The following ARL17A variants were observed in gnomAD, a reference collection of about 807,000 sequenced individuals.
ARL17A encodes the protein ARF like GTPase 17A, also known as ADP-ribosylation factor-like 17-like.
chr17:46,558,057 TG>T (rs2057378106), intron 3 of ARL17A, among the ~76,000 whole-genome samples: 1 of 138,874 alleles, frequency 7.2e-6, no homozygotes, highest in African/African-American at 2.7e-5. Context: ...TCAGGAGTTT[TG>T]TTTGTTTTTT....
chr17:46,568,183 T>A, intron 3 of ARL17A, among the ~76,000 whole-genome samples: 1 of 132,410 alleles, frequency 7.6e-6, no homozygotes, highest in Non-Finnish European at 1.6e-5. Flanking sequence ...TGGACAGTGG[T>A]GATGGTTGTA....
chr17:46,541,377 G>A (rs1229882039), intron 3 of ARL17A, among the ~76,000 whole-genome samples: 4 of 148,332 alleles, frequency 2.7e-5, no homozygotes, highest in Admixed American at 1.3e-4. Flanking sequence ...TCAGCCTTCC[G>A]AGTAGCTGGG....
chr17:46,501,295 C>A, the ARL17A span, among the ~76,000 whole-genome samples: 1 of 151,082 alleles, frequency 6.6e-6, no homozygotes, highest in Non-Finnish European at 1.5e-5. Flanking sequence ...CCTGCCTCAG[C>A]CTCCTGAGTA....
intron 3 of ARL17A, among the ~76,000 whole-genome samples, chr17:46,521,471 T>C (rs1363740589): frequency 1.8e-5 from 1 of 56,206 alleles, no homozygotes; most frequent in Admixed American, 1.8e-4. Context: ...TTTATTTCCA[T>C]GTGTCAGTTT....
chr17:46,549,292 A>G (rs1567983617), downstream of ARL17A: 1 of 1,610,558 alleles, frequency 6.2e-7, no homozygotes. Flanking sequence ...TTTTATAGAA[A>G]ACAATAATAC....
intron 3 of ARL17A, among the ~76,000 whole-genome samples, chr17:46,545,364 T>G (rs1295545257): frequency 1.4e-5 from 2 of 138,074 alleles, no homozygotes; most frequent in African/African-American, 6.0e-5. Flanking sequence ...ATTTGGAGGA[T>G]CCCTTGAGCC....
the ARL17A span, among the ~76,000 whole-genome samples, chr17:46,501,529 C>G: frequency 4.0e-5 from 6 of 151,232 alleles, no homozygotes; most frequent in East Asian, 1.2e-3. Context: ...AGTCGTCTGC[C>G]GGCTGTTATA....
At chr17:46,550,842 A>G (rs1037748471), downstream of ARL17A, among the ~76,000 whole-genome samples, 2 of 132,782 alleles carry the variant, frequency 1.5e-5, no homozygotes, top group African/African-American at 6.2e-5. Context: ...TCTGCCACTA[A>G]TTTATTTCCT....
At chr17:46,543,745 A>G (rs1475740620) in intron 3 of ARL17A, among the ~76,000 whole-genome samples, 1 of 151,038 alleles carries the variant, frequency 6.6e-6, no homozygotes, top group Non-Finnish European at 1.5e-5. Flanking sequence ...GGTGTTCATT[A>G]TACCATTTGA....
At position 46,553,278 on chromosome 17, in the gene ARL17A, G is replaced by A. The variant is rs1461484964; in HGVS notation, c.*4078C>T. 1 of 1,492,484 alleles carries A rather than the reference G, an allele frequency of 6.7e-7. No individual in the cohort carries two copies. Among genetic ancestry groups the A allele is most frequent in the Admixed American group, 2.0e-5 (1 of 51,270 alleles). 92.5% of individuals were successfully genotyped at this position (1,492,484 alleles called of 1,614,324 possible). ...CAGTGTTACACAGCATACAATTCCT[G>A]TCTTCAAAAAAGTTACCTCATCAGG... On this transcript the variant is annotated 3_prime_UTR_variant, in exon 4 of 4. Coordinates refer to ENST00000336125, the MANE Select transcript of ARL17A (RefSeq NM_001113738.2).
chr17:46,527,326 TCTA>T (rs2052902386), downstream of ARL17A, among the ~76,000 whole-genome samples: 1 of 79,700 alleles, frequency 1.3e-5, no homozygotes, highest in South Asian at 5.7e-4. Flanking sequence ...TTCCCCCCAG[TCTA>T]CTGACATCAG....
At chr17:46,525,597 A>AAT (rs2052604600), downstream of ARL17A, among the ~76,000 whole-genome samples, 10 of 73,532 alleles carry the variant, frequency 1.4e-4, no homozygotes, top group African/African-American at 3.8e-4. Context: ...AAATAATAAT[A>AAT]ATAATATAAT....
the ARL17A span, among the ~76,000 whole-genome samples, chr17:46,502,082 TA>T: frequency 6.6e-6 from 1 of 151,356 alleles, no homozygotes; most frequent in Non-Finnish European, 1.5e-5. Flanking sequence ...CATCATTTTG[TA>T]AGTAATGAGT....
chr17:46,540,777 T>TA (rs1175012844), intron 3 of ARL17A: 1 of 1,538,950 alleles, frequency 6.5e-7, no homozygotes, highest in South Asian at 1.2e-5. Flanking sequence ...TTGGGGCTCA[T>TA]ATCATGAATG....
intron 4 of ARL17A, among the ~76,000 whole-genome samples, chr17:46,532,840 C>A (rs1482665993): frequency 1.3e-5 from 2 of 149,664 alleles, no homozygotes; most frequent in African/African-American, 5.1e-5. Flanking sequence ...GTGGCTCACA[C>A]CTGTCATCCT....
At chr17:46,504,880 AAATT>A in the ARL17A span, among the ~76,000 whole-genome samples, 3 of 124,510 alleles carry the variant, frequency 2.4e-5, 1 homozygote, top group African/African-American at 1.0e-4. Flanking sequence ...ATTAATTAAT[AAATT>A]GATTTAATAC....
chr17:46,502,697 A>G, the ARL17A span, among the ~76,000 whole-genome samples: 1 of 151,328 alleles, frequency 6.6e-6, no homozygotes, highest in African/African-American at 2.5e-5. Context: ...AAAATCAAGG[A>G]AAGGCCTAAG....
At chr17:46,533,693 G>A (rs983848851) in intron 4 of ARL17A, among the ~76,000 whole-genome samples, 2 of 78,350 alleles carry the variant, frequency 2.6e-5, no homozygotes, top group African/African-American at 1.8e-4. Flanking sequence ...GTAGAGACAG[G>A]GTTTCACCAT....
intron 3 of ARL17A, among the ~76,000 whole-genome samples, chr17:46,568,510 A>AC (rs2057576727): frequency 8.4e-6 from 1 of 119,114 alleles, no homozygotes; most frequent in African/African-American, 3.4e-5. Context: ...AAAAAAAAAA[A>AC]AAGAGGGGGG....
Sources: allele counts gnomAD v4.1 joint callset (sites outside exome capture counted in the v4.1 genomes callset), GRCh38; gene constraint gnomAD v4.1.1; transcripts MANE v1.5; gene names NCBI Gene and HGNC (gene_info 2026-07-23, HGNC 2026-07-21).